ADGRG1: variants seen among roughly 807,000 people sequenced by gnomAD.
ADGRG1 encodes the protein adhesion G protein-coupled receptor G1.
ADGRG1 carries 53 observed loss-of-function variants against 73.5 expected under a neutral mutation model. That is an observed-to-expected ratio of 0.72 (90% CI 0.58 to 0.91). ADGRG1 has a LOEUF of 0.91. Among genes scored for constraint, ADGRG1 ranks in the 40% least tolerant of loss-of-function variants. ADGRG1 has a pLI of 0.00. For synonymous variants in ADGRG1, 394 were observed against 374.4 expected, an observed-to-expected ratio of 1.05 and a Z score of -0.60; for missense variants, 795 against 871.8, an observed-to-expected ratio of 0.91 and a Z score of 1.11.
chr16:57,645,237 G>A (rs2042297368), intron 1 of ADGRG1: 2 of 985,328 alleles, frequency 2.0e-6, no homozygotes, highest in Admixed American at 6.1e-5. Context: ...AGTTGAGCTG[G>A]GGGGGTCTTC....
intron 3 of ADGRG1, chr16:57,652,973 C>T: frequency 2.1e-6 from 3 of 1,408,778 alleles, no homozygotes; most frequent in Non-Finnish European, 2.8e-6. Flanking sequence ...CCCACCCCAT[C>T]CCGCTGGGGC....
At chr16:57,621,857 C>G (rs2034886490) in intron 2 of ADGRG1, 3 of 985,116 alleles carry the variant, frequency 3.0e-6, no homozygotes, top group Non-Finnish European at 3.6e-6. Context: ...TAAGGGGATG[C>G]TGGTGACCCC....
At chr16:57,655,238 G>C (rs1027446770) in intron 5 of ADGRG1, 161 bp from the exon 6 acceptor site, 5 of 985,338 alleles carry the variant, frequency 5.1e-6, no homozygotes, top group Non-Finnish European at 6.0e-6. Flanking sequence ...AGGGAAGGGA[G>C]GGATGAGGAG....
chr16:57,631,338 G>T lies in ADGRG1; in HGVS notation c.-36+2536G>T, dbSNP rs565782054. On this transcript the variant is annotated intron_variant, in intron 1 of 13. Transcript: ENST00000562631. ...GTCCTCCAGCCGGACTGGGATGCGGGTTCCGCCATCCTGTGCAGAAGCTGT... is the reference window on the plus strand; with the variant it reads ...GTCCTCCAGCCGGACTGGGATGCGGTTTCCGCCATCCTGTGCAGAAGCTGT... 216 of 985,744 alleles carry T rather than the reference G, an allele frequency of 2.2e-4. 1 individual carries two copies. The East Asian group carries it at 0.016, about 72-fold the overall frequency. 61.1% of individuals were successfully genotyped at this position (985,744 alleles called of 1,614,324 possible).
At chr16:57,653,808 G>C in intron 4 of ADGRG1, 178 bp from the exon 5 acceptor site, 1 of 985,168 alleles carries the variant, frequency 1.0e-6, no homozygotes, top group Middle Eastern at 5.2e-4. Flanking sequence ...GCAGATGCCT[G>C]CTTTTCTCTT....
chr16:57,651,003 C>T (rs917574313), intron 2 of ADGRG1, 197 bp from the exon 3 acceptor site: 36 of 981,068 alleles, frequency 3.7e-5, no homozygotes, highest in East Asian at 1.1e-4. Context: ...CCACCGCGCC[C>T]GGCCTCAGTT....
At chr16:57,620,423 G>C (rs1475086956), upstream of ADGRG1, among the ~76,000 whole-genome samples, 2 of 152,324 alleles carry the variant, frequency 1.3e-5, no homozygotes, top group East Asian at 3.9e-4. Context: ...GTGTCCAACG[G>C]ACACTGCAGG....
intron 1 of ADGRG1, chr16:57,644,915 A>T (rs2042147303): frequency 5.7e-6 from 1 of 175,796 alleles, no homozygotes; most frequent in Non-Finnish European, 9.4e-6. Flanking sequence ...TCACTTCATA[A>T]CTCATGCACA....
At chr16:57,652,581 T>C (rs2044368420) in intron 3 of ADGRG1, 2 of 976,264 alleles carry the variant, frequency 2.0e-6, no homozygotes, top group African/African-American at 3.5e-5. Context: ...GTTTGGCCTG[T>C]AGAGGGTTTT....
At chr16:57,639,544 A>C in intron 1 of ADGRG1, 1 of 985,304 alleles carries the variant, frequency 1.0e-6, no homozygotes. Flanking sequence ...TGTCCTCTTG[A>C]AAAAAGGTGG....
upstream of ADGRG1, chr16:57,626,513 C>T: frequency 1.2e-6 from 1 of 834,410 alleles, no homozygotes; most frequent in Non-Finnish European, 1.4e-6. Context: ...GCCCCTAGCT[C>T]ATAGTAGGTC....
At chr16:57,628,092 C>A, upstream of ADGRG1, 3 of 984,980 alleles carry the variant, frequency 3.0e-6, no homozygotes, top group Non-Finnish European at 3.6e-6. Context: ...GTCAGCCGGT[C>A]AGTCGTGCGT....
At chr16:57,630,448 C>T (rs1363611899) in intron 1 of ADGRG1, 32 of 985,656 alleles carry the variant, frequency 3.2e-5, no homozygotes, top group Non-Finnish European at 3.9e-5. Context: ...TTCCTCTCCT[C>T]TCGCCTCAGG....
At chr16:57,654,421 C>CCTT (rs2045034484) in intron 5 of ADGRG1, among the ~76,000 whole-genome samples, 2 of 114,050 alleles carry the variant, frequency 1.8e-5, no homozygotes, top group Non-Finnish European at 3.5e-5. Flanking sequence ...CCCCCCCCCC[C>CCTT]GTTTTTTTTT....
At chr16:57,657,636 A>G (rs1210067655) in intron 10 of ADGRG1, 145 bp downstream of exon 10, 1 of 745,942 alleles carries the variant, frequency 1.3e-6, no homozygotes, top group South Asian at 1.4e-5. Flanking sequence ...GGGTAAGCTG[A>G]CCCTTGGGGG....
chr16:57,646,922 G>A (rs943425294), intron 1 of ADGRG1: 21 of 985,084 alleles, frequency 2.1e-5, no homozygotes, highest in Non-Finnish European at 2.4e-5. Context: ...CAGAGGCAGG[G>A]CCCTTGCCTG....
chr16:57,632,301 G>A (rs2038175062), intron 1 of ADGRG1: 1 of 985,448 alleles, frequency 1.0e-6, no homozygotes, highest in African/African-American at 1.7e-5. Flanking sequence ...AGACAGCAAG[G>A]GTGGCTTGCC....
At chr16:57,622,707 T>C (rs1787578611) in intron 2 of ADGRG1, 1 of 901,914 alleles carries the variant, frequency 1.1e-6, no homozygotes, top group Non-Finnish European at 1.3e-6. Context: ...GATCCATCCT[T>C]CCTGCCAAGT....
intron 1 of ADGRG1, chr16:57,635,990 G>T: frequency 1.0e-6 from 1 of 985,398 alleles, no homozygotes; most frequent in Non-Finnish European, 1.2e-6. Flanking sequence ...AGTCTCTGCA[G>T]ACTAGTCCTC....
Sources: gnomAD v4.1 joint callset for allele counts (sites outside exome capture counted in the v4.1 genomes callset) on GRCh38, gnomAD v4.1.1 for gene constraint, MANE v1.5 for transcripts, NCBI Gene and HGNC (gene_info 2026-07-23, HGNC 2026-07-21) for gene names.